The following ELP4 variants were observed in gnomAD, a reference collection of about 807,000 sequenced individuals.
ELP4 encodes elongator complex protein 4.
ELP4 carries 51 observed loss-of-function variants against 48.9 expected under a neutral mutation model. The ratio of observed to expected loss-of-function variants is 1.04; its 90% CI spans 0.83 to 1.32. The LOEUF (loss-of-function observed/expected upper bound fraction) is 1.32, where lower values mean the gene tolerates loss of function less well. ELP4 is among the 40% of genes most tolerant of loss of function. The pLI is 0.00. For missense variants in ELP4, 519 were observed against 514.6 expected (o/e 1.01, Z -0.08); for synonymous variants, 210 against 189.2 (o/e 1.11, Z -0.90).
At chr11:31,702,400 T>C (rs2134158662) in intron 9 of ELP4, among the ~76,000 whole-genome samples, 1 of 152,172 alleles carries the variant, frequency 6.6e-6, no homozygotes, top group Middle Eastern at 3.4e-3. Flanking sequence ...GAATGGAATT[T>C]ATTGTTTAAT....
chr11:31,734,333 A>G (rs1387911379), intron 9 of ELP4, among the ~76,000 whole-genome samples: 3 of 152,208 alleles, frequency 2.0e-5, no homozygotes, highest in South Asian at 2.1e-4. Flanking sequence ...TGCCACTTCT[A>G]TCGAACGTAG....
intron 9 of ELP4, among the ~76,000 whole-genome samples, chr11:31,662,119 A>G (rs867052571): frequency 5.9e-5 from 9 of 152,194 alleles, no homozygotes; most frequent in Middle Eastern, 3.4e-3. Context: ...AATTATATGT[A>G]GGAGAAAAGC....
At chr11:31,602,606 T>G (rs922826954) in intron 4 of ELP4, among the ~76,000 whole-genome samples, 1 of 151,988 alleles carries the variant, frequency 6.6e-6, no homozygotes, top group Admixed American at 6.6e-5. Context: ...CTTAAAAATT[T>G]TTATTTCTTA....
chr11:31,604,508 TC>T (rs1342337079), intron 5 of ELP4, among the ~76,000 whole-genome samples: 2 of 151,868 alleles, frequency 1.3e-5, no homozygotes, highest in African/African-American at 4.8e-5. Flanking sequence ...AAGACAAAAC[TC>T]TGAAAATTAC....
intron 3 of ELP4, among the ~76,000 whole-genome samples, chr11:31,548,805 A>C (rs1449632717): frequency 1.3e-5 from 2 of 152,242 alleles, no homozygotes; most frequent in African/African-American, 4.8e-5. Flanking sequence ...TCAATGGAAC[A>C]GAACAGAGCC....
chr11:31,751,479 A>G (rs1565140579), intron 9 of ELP4, among the ~76,000 whole-genome samples: 1 of 152,204 alleles, frequency 6.6e-6, no homozygotes. Context: ...TGCCATTAGT[A>G]CCATATAGGG....
chr11:31,620,284 A>G (rs1451556089), intron 5 of ELP4, among the ~76,000 whole-genome samples: 2 of 151,990 alleles, frequency 1.3e-5, no homozygotes, highest in African/African-American at 2.4e-5. Flanking sequence ...GCAAGAGAAG[A>G]GCAAGGAAGT....
chr11:31,632,399 G>A lies in ELP4; in HGVS notation c.921G>A (p.Leu307=), dbSNP rs1230270041. ...SACIITMPTH[L]IQNKAIIARV... is the part of the protein sequence containing the mutation. ...GCATCATCACAATGCCAACACATCT[G>A]ATCCAGGTACGAAATTTCCAGAACT... The change falls in exon 7 of 10, where the codon CTG becomes CTA. Residue 307 remains leucine, a synonymous_variant. Transcript: ENST00000640961. 1.2e-6 allele frequency: 2 copies of A among 1,604,804 alleles called. No individual in the cohort carries two copies. The highest frequency in any genetic ancestry group is 1.7e-6 in the Non-Finnish European group (2 of 1,177,254).
chr11:31,677,459 C>T (rs1945950100), intron 9 of ELP4, among the ~76,000 whole-genome samples: 2 of 151,984 alleles, frequency 1.3e-5, no homozygotes, highest in Admixed American at 6.6e-5. Flanking sequence ...TTGAAACTGC[C>T]CACGCCCACG....
intron 3 of ELP4, among the ~76,000 whole-genome samples, chr11:31,543,606 A>G (rs1185076776): frequency 6.6e-6 from 1 of 152,214 alleles, no homozygotes; most frequent in Non-Finnish European, 1.5e-5. Context: ...CCAAGTTTTA[A>G]AAGTCCTGAA....
At chr11:31,525,287 T>C (rs55858133) in intron 2 of ELP4, among the ~76,000 whole-genome samples, 4,032 of 152,294 alleles carry the variant, frequency 0.026, 166 homozygotes, top group African/African-American at 0.091. Flanking sequence ...AGGACTGAAA[T>C]AGGACAACTG....
chr11:31,522,262 T>C (rs949239243), intron 2 of ELP4, among the ~76,000 whole-genome samples: 3 of 152,206 alleles, frequency 2.0e-5, no homozygotes, highest in African/African-American at 7.2e-5. Flanking sequence ...ATTATTTACA[T>C]GTTTGGTATA....
At chr11:31,511,649 CTT>C (rs1241291064) in intron 1 of ELP4, 1 of 152,194 alleles carries the variant, frequency 6.6e-6, no homozygotes, top group East Asian at 1.9e-4. Flanking sequence ...ATTTAGTGCT[CTT>C]TGCACTAGGC....
intron 9 of ELP4, among the ~76,000 whole-genome samples, chr11:31,720,695 T>C (rs1946941870): frequency 6.6e-6 from 1 of 152,188 alleles, no homozygotes; most frequent in Non-Finnish European, 1.5e-5. Context: ...AATATCCTTA[T>C]TAAGTGTCCA....
intron 9 of ELP4, among the ~76,000 whole-genome samples, chr11:31,697,974 T>A (rs1946445653): frequency 6.6e-6 from 1 of 152,090 alleles, no homozygotes; most frequent in Non-Finnish European, 1.5e-5. Context: ...TTAAAAGGAT[T>A]TTTTAAGGAA....
intron 9 of ELP4, 28 bp downstream of exon 9, chr11:31,650,249 C>A: frequency 1.3e-6 from 1 of 742,950 alleles, no homozygotes; most frequent in Non-Finnish European, 2.3e-6. Flanking sequence ...TTTTAGTTTA[C>A]AATCTTGAGA....
intron 5 of ELP4, among the ~76,000 whole-genome samples, chr11:31,623,421 T>C (rs1380574183): frequency 1.5e-5 from 2 of 135,706 alleles, no homozygotes; most frequent in South Asian, 4.6e-4. Flanking sequence ...CAAAGAAACA[T>C]GGAGATTAAC....
intron 3 of ELP4, among the ~76,000 whole-genome samples, chr11:31,558,711 A>C (rs1956968109): frequency 6.6e-6 from 1 of 152,146 alleles, no homozygotes; most frequent in Admixed American, 6.5e-5. Flanking sequence ...TTAAAAATGA[A>C]ATATCAGGTT....
At chr11:31,517,593 C>G (rs1019869063) in intron 1 of ELP4, among the ~76,000 whole-genome samples, 2 of 152,026 alleles carry the variant, frequency 1.3e-5, no homozygotes, top group Non-Finnish European at 2.9e-5. Context: ...AAACAATTAA[C>G]ATTGACTCCA....
Sources: allele counts gnomAD v4.1 joint callset (sites outside exome capture counted in the v4.1 genomes callset), GRCh38; gene constraint gnomAD v4.1.1; transcripts MANE v1.5; gene names NCBI Gene and HGNC (gene_info 2026-07-23, HGNC 2026-07-21).